The following PITPNM3 variants were observed in gnomAD, a reference collection of about 807,000 sequenced individuals.
The protein encoded by PITPNM3 is membrane-associated phosphatidylinositol transfer protein 3.
In PITPNM3, 26 loss-of-function variants were observed where a neutral mutation model predicts 102.0. That is an observed-to-expected ratio of 0.25 (90% CI 0.19 to 0.35). The LOEUF (loss-of-function observed/expected upper bound fraction) is 0.35, where lower values mean the gene tolerates loss of function less well. PITPNM3 is among the 10% of genes least tolerant of loss of function. PITPNM3 has a pLI of 1.00. For missense variants in PITPNM3, 1,083 were observed against 1,346.1 expected (o/e 0.80, Z 3.06); for synonymous variants, 578 against 558.6 (o/e 1.03, Z -0.49).
chr17:6,526,938 A>AC (rs1408782078), intron 2 of PITPNM3, among the ~76,000 whole-genome samples: 1 of 152,184 alleles, frequency 6.6e-6, no homozygotes, highest in Non-Finnish European at 1.5e-5. Context: ...CCAGCCAGGC[A>AC]CCACACACAT....
chr17:6,473,991 A>T (rs1328399936), intron 10 of PITPNM3, among the ~76,000 whole-genome samples: 1 of 151,166 alleles, frequency 6.6e-6, no homozygotes, highest in Non-Finnish European at 1.5e-5. Context: ...AAAAAAAAAA[A>T]AAAAAAGGTT....
At chr17:6,555,369 T>C (rs1217346196) in intron 1 of PITPNM3, among the ~76,000 whole-genome samples, 2 of 152,184 alleles carry the variant, frequency 1.3e-5, no homozygotes, top group Non-Finnish European at 2.9e-5. Context: ...CCGATGGTAT[T>C]CACACCCATT....
chr17:6,458,415 C>T lies in PITPNM3; in HGVS notation c.2491-693G>A, dbSNP rs973846006. 6.6e-6 allele frequency among the ~76,000 whole-genome samples: 1 copy of T among 152,194 alleles called. No homozygotes were observed. ...CATTGGAGACTTTGGTCCTGGGTCA[C>T]AAGCTTTCCTTCCTGCCAAGCCCCA... is the stretch of plus-strand genomic sequence containing the variant. On this transcript the variant is annotated intron_variant, in intron 18 of 19. Transcript: ENST00000262483. This position sits in a 1 kb window ranked among gnomAD's most constrained non-coding sequence, Gnocchi z 5.1.
chr17:6,525,298 G>GC (rs1034872301), intron 3 of PITPNM3, 58 bp downstream of exon 3: 32 of 1,476,356 alleles, frequency 2.2e-5, no homozygotes, highest in African/African-American at 4.2e-5. Context: ...CAGCCCTACA[G>GC]CCCCCCCTGC....
intron 3 of PITPNM3, among the ~76,000 whole-genome samples, chr17:6,520,259 G>A (rs1038766973): frequency 6.6e-6 from 1 of 152,154 alleles, no homozygotes; most frequent in Non-Finnish European, 1.5e-5. Flanking sequence ...TGGTTGGTGT[G>A]CAAATATAAA....
intron 2 of PITPNM3, among the ~76,000 whole-genome samples, chr17:6,535,870 C>T (rs947696438): frequency 6.6e-6 from 1 of 151,666 alleles, no homozygotes; most frequent in African/African-American, 2.4e-5. Flanking sequence ...CCAGCCTGGC[C>T]AGCATAGTGA....
At chr17:6,497,200 C>T (rs779440117) in intron 4 of PITPNM3, among the ~76,000 whole-genome samples, 1 of 152,184 alleles carries the variant, frequency 6.6e-6, no homozygotes, top group East Asian at 1.9e-4. Context: ...GGGCAAGGGG[C>T]TTCACGCATC....
chr17:6,453,001 T>TCTCTCTCTCTCTCTCTCTGCC lies in PITPNM3; in HGVS notation c.*2336_*2337insGGCAGAGAGAGAGAGAGAGAG, dbSNP rs1567654984. 2.1e-5 allele frequency: 1 copy of TCTCTCTCTCTCTCTCTCTGCC among 47,240 alleles called. No individual in the cohort carries two copies. Among genetic ancestry groups the TCTCTCTCTCTCTCTCTCTGCC allele is most frequent in the Admixed American group, 2.4e-4 (1 of 4,234 alleles). The allele number at this position is 47,240 out of a possible 1,614,324, so 2.9% of individuals were successfully genotyped here. Reference sequence around the variant, plus strand: ...TCCTCTCTCTCTCTCTCTGTCTTCCTTTCTCTCTCTCTCTCTCTCTCTGCC... The same window carrying TCTCTCTCTCTCTCTCTCTGCC: ...TCCTCTCTCTCTCTCTCTGTCTTCCTCTCTCTCTCTCTCTCTCTGCCTTCTCTCTCTCTCTCTCTCTCTGCC... On this transcript the variant is annotated 3_prime_UTR_variant, in exon 20 of 20. Coordinates refer to ENST00000262483, the MANE Select transcript of PITPNM3 (RefSeq NM_031220.4).
At chr17:6,500,190 G>A (rs1167198663) in intron 4 of PITPNM3, among the ~76,000 whole-genome samples, 1 of 152,154 alleles carries the variant, frequency 6.6e-6, no homozygotes, top group Admixed American at 6.5e-5. Context: ...GTCCCAGCAT[G>A]TTCTGACTCC....
chr17:6,476,970 C>T, intron 9 of PITPNM3, 59 bp downstream of exon 9: 2 of 1,581,752 alleles, frequency 1.3e-6, no homozygotes, highest in Non-Finnish European at 8.6e-7. Context: ...TGACTGGTCA[C>T]AGCCCTCCCA....
intron 4 of PITPNM3, among the ~76,000 whole-genome samples, chr17:6,500,127 G>T (rs1307496113): frequency 6.6e-6 from 1 of 152,170 alleles, no homozygotes; most frequent in Non-Finnish European, 1.5e-5. Flanking sequence ...GAGAGAAGCT[G>T]AGTGTCAAAC....
In PITPNM3 at chr17:6,468,153, C is replaced by T; in HGVS notation, c.1890+72G>A. On this transcript the variant is annotated intron_variant, in intron 14 of 19. Coordinates refer to ENST00000262483, the MANE Select transcript of PITPNM3 (RefSeq NM_031220.4). The surrounding 1 kb of genome is among the most constrained non-coding windows in gnomAD (Gnocchi z 5.2). ...AAGCGCTTACCTCCCATGTGGATGC[C>T]CCAGCCCCCGGGCCAGCCCCACCTC... 1.4e-6 allele frequency: 2 copies of T among 1,473,514 alleles called. No homozygotes were observed. The highest frequency in any genetic ancestry group is 1.9e-6 in the Non-Finnish European group (2 of 1,057,232). The allele number at this position is 1,473,514 out of a possible 1,614,324, so 91.3% of individuals were successfully genotyped here.
rs76186302 is a variant in PITPNM3 at position 6,504,661 on chromosome 17, C to T, written c.227-1087G>A. ...CTGGGTTCATTCCTACAAGATAGCA[C>T]GGATCCAGTGCTCGCTAAGAACCTC... On this transcript the variant is annotated intron_variant, in intron 3 of 19. Coordinates refer to ENST00000262483, the MANE Select transcript of PITPNM3 (RefSeq NM_031220.4). Among the ~76,000 whole-genome samples, 288 of 152,248 alleles carry T rather than the reference C, an allele frequency of 1.9e-3. 1 individual carries two copies. Among genetic ancestry groups the T allele is most frequent in the African/African-American group, 6.3e-3 (261 of 41,552 alleles).
rs79749448 is a variant in PITPNM3 at position 6,537,911 on chromosome 17, C to T, written c.118+76G>A. ...ACGTCTGAGTGGGGAGGGATGCGGA[C>T]CCCCAAATGGGATCTTCTTCTTGAG... On this transcript the variant is annotated intron_variant, in intron 2 of 19. Coordinates refer to ENST00000262483, the MANE Select transcript of PITPNM3 (RefSeq NM_031220.4). The surrounding 1 kb of genome is among the most constrained non-coding windows in gnomAD (Gnocchi z 4.4). 1.3e-3 allele frequency: 1,653 copies of T among 1,242,074 alleles called. 16 individuals are homozygous for T. The African/African-American group carries it at 0.021, about 16-fold the overall frequency. The allele number at this position is 1,242,074 out of a possible 1,614,324, so 76.9% of individuals were successfully genotyped here. A position where few individuals can be genotyped will look rare whatever the true frequency, so the allele number is the denominator to read the frequency against.
At chr17:6,512,992 G>A (rs1204126223) in intron 3 of PITPNM3, among the ~76,000 whole-genome samples, 1 of 151,648 alleles carries the variant, frequency 6.6e-6, no homozygotes, top group East Asian at 1.9e-4. Flanking sequence ...TATTCAGTAT[G>A]TGAAAATCAA....
In PITPNM3 at chr17:6,519,290, T is replaced by C. The variant is rs1225804897; in HGVS notation, c.226+6066A>G. 4.1e-5 allele frequency among the ~76,000 whole-genome samples: 2 copies of C among 49,248 alleles called. 1 individual carries two copies. 32.3% of individuals were successfully genotyped at this position (49,248 alleles called of 152,430 possible). A position where few individuals can be genotyped will look rare whatever the true frequency, so the allele number is the denominator to read the frequency against. Reference sequence around the variant, plus strand: ...AGGCGGAGCTTGCAGTGAGCCGAGATTGCGCCACTGCAGTCCGCAGTCCGG... The same window carrying C: ...AGGCGGAGCTTGCAGTGAGCCGAGACTGCGCCACTGCAGTCCGCAGTCCGG... On this transcript the variant is annotated intron_variant, in intron 3 of 19. Coordinates refer to ENST00000262483, the MANE Select transcript of PITPNM3 (RefSeq NM_031220.4).
At chr17:6,514,101 C>T (rs1224505280) in intron 3 of PITPNM3, among the ~76,000 whole-genome samples, 1 of 152,084 alleles carries the variant, frequency 6.6e-6, no homozygotes, top group Non-Finnish European at 1.5e-5. Context: ...ACACCATACA[C>T]AAAAATTAAT....
intron 18 of PITPNM3, chr17:6,461,030 T>C (rs913011365): frequency 3.2e-5 from 12 of 372,700 alleles, no homozygotes; most frequent in African/African-American, 6.3e-5. Flanking sequence ...CTGGTTCTGT[T>C]TGTCTCTGTG....
chr17:6,523,549 G>A (rs1027064379), intron 3 of PITPNM3, among the ~76,000 whole-genome samples: 2 of 152,234 alleles, frequency 1.3e-5, no homozygotes, highest in African/African-American at 4.8e-5. Flanking sequence ...CACTGGGTCT[G>A]AGTCATACAT....
Sources: gnomAD v4.1 joint callset for allele counts (sites outside exome capture counted in the v4.1 genomes callset) on GRCh38, gnomAD v4.1.1 for gene constraint, Gnocchi (gnomAD v3.1) non-coding constraint, MANE v1.5 for transcripts, NCBI Gene and HGNC (gene_info 2026-07-23, HGNC 2026-07-21) for gene names.